The following KLF5 variants were observed in gnomAD, a reference collection of about 807,000 sequenced individuals.
KLF5 encodes the protein Krueppel-like factor 5.
Under a neutral mutation model 36.9 loss-of-function variants are expected in KLF5, and 9 were observed. That is an observed-to-expected ratio of 0.24 (90% CI 0.15 to 0.43). KLF5 has a LOEUF of 0.43. Among genes scored for constraint, KLF5 ranks in the 20% least tolerant of loss-of-function variants. The probability of loss-of-function intolerance (pLI) is 1.00; values close to 1 mark genes in which losing one functional copy is unlikely to be tolerated. For synonymous variants in KLF5, 246 were observed against 241.7 expected (o/e 1.02, Z -0.17); for missense variants, 524 against 599.5 (o/e 0.87, Z 1.31).
chr13:73,064,004 T>C (rs963747664), intron 3 of KLF5, 121 bp downstream of exon 3: 1 of 589,262 alleles, frequency 1.7e-6, no homozygotes, highest in South Asian at 2.4e-5. Flanking sequence ...TTTTTTTTTT[T>C]AAATAGCCTA....
chr13:73,073,309 CT>C (rs1461980882), intron 3 of KLF5, among the ~76,000 whole-genome samples: 2 of 152,166 alleles, frequency 1.3e-5, no homozygotes, highest in Admixed American at 6.5e-5. Context: ...GTTGTCCTTA[CT>C]TTTATGGTAA....
chr13:73,061,815 A>T, intron 1 of KLF5, 46 bp from the exon 2 acceptor site: 1 of 1,567,808 alleles, frequency 6.4e-7, no homozygotes, highest in Non-Finnish European at 8.7e-7. Flanking sequence ...TCTTCCCGAG[A>T]TGGTGAATCA....
At position 73,059,465 on chromosome 13, in the gene KLF5, C is replaced by T; in HGVS notation, c.138C>T (p.Phe46=). 12 of 1,275,754 alleles carry T rather than the reference C, an allele frequency of 9.4e-6. No individual in the cohort carries two copies. The highest frequency in any genetic ancestry group is 1.2e-5 in the Non-Finnish European group (12 of 1,011,632). 79.0% of individuals were successfully genotyped at this position (1,275,754 alleles called of 1,614,324 possible). A position where few individuals can be genotyped will look rare whatever the true frequency, so the allele number is the denominator to read the frequency against. Residue 46 remains phenylalanine (F), a synonymous_variant, in exon 1 of 4, where the codon TTC becomes TTT. Coordinates refer to ENST00000377687, the MANE Select transcript of KLF5 (RefSeq NM_001730.5). Reference sequence around the variant, plus strand: ...ATCCGGCCCGCGACGCGGCGCTCTTCCCCGGCGAGGAGCTGAAGCACGCGC... The same window carrying T: ...ATCCGGCCCGCGACGCGGCGCTCTTTCCCGGCGAGGAGCTGAAGCACGCGC... ...AANPARDAAL[F]PGEELKHAHH...
chr13:73,060,213 A>G (rs2044623984), intron 1 of KLF5, among the ~76,000 whole-genome samples: 2 of 151,754 alleles, frequency 1.3e-5, no homozygotes, highest in South Asian at 2.1e-4. Flanking sequence ...TGTGCACGTA[A>G]ATTTCCTCCC....
intron 1 of KLF5, among the ~76,000 whole-genome samples, chr13:73,061,041 TGATGACTGTGCTAGGGATA>T (rs1369613417): frequency 1.6e-4 from 24 of 152,156 alleles, no homozygotes; most frequent in Admixed American, 1.5e-3. Flanking sequence ...AATGTTTTGC[TGATGACTGTGCTAGGGATA>T]CAGCAGCCTC....
chr13:73,071,222 G>C (rs1383306087), intron 3 of KLF5, among the ~76,000 whole-genome samples: 3 of 146,452 alleles, frequency 2.0e-5, no homozygotes, highest in African/African-American at 7.3e-5. Flanking sequence ...GGTCTGTTCA[G>C]AGGCTTTCTA....
At chr13:73,073,389 A>C (rs1461005199) in intron 3 of KLF5, among the ~76,000 whole-genome samples, 1 of 152,248 alleles carries the variant, frequency 6.6e-6, no homozygotes, top group Non-Finnish European at 1.5e-5. Flanking sequence ...ATAGATGTGC[A>C]TAAATTGAGA....
intron 3 of KLF5, among the ~76,000 whole-genome samples, chr13:73,064,738 T>G (rs1204778334): frequency 6.6e-6 from 1 of 152,110 alleles, no homozygotes; most frequent in Non-Finnish European, 1.5e-5. Flanking sequence ...GAGATGGGGT[T>G]TCACCATGTT....
At chr13:73,060,022 A>T (rs2044621404) in intron 1 of KLF5, among the ~76,000 whole-genome samples, 1 of 151,608 alleles carries the variant, frequency 6.6e-6, no homozygotes, top group South Asian at 2.1e-4. Flanking sequence ...GTAGAAACGC[A>T]AATTGGGGTG....
intron 3 of KLF5, among the ~76,000 whole-genome samples, chr13:73,064,842 A>G (rs1460247789): frequency 1.3e-5 from 2 of 152,198 alleles, no homozygotes; most frequent in Non-Finnish European, 2.9e-5. Flanking sequence ...GCGCCCGACC[A>G]GCACTTTTAA....
upstream of KLF5, among the ~76,000 whole-genome samples, chr13:73,056,571 A>C (rs1594390123): frequency 6.6e-6 from 1 of 152,236 alleles, no homozygotes; most frequent in East Asian, 1.9e-4. Flanking sequence ...TGTAGCATTT[A>C]TGTTAAAAGC....
Position 73,062,339 on chromosome 13 carries a change from C to G in KLF5, c.740C>G (p.Ala247Gly). The change falls in exon 2 of 4, where the codon GCA (alanine) becomes GGA (glycine). Residue 247 changes from alanine (A) to glycine (G), a missense_variant. This residue lies in a region of KLF5 where 454 missense variants were observed against 458.1 expected (regional missense o/e 0.99). Transcript: ENST00000377687. ...LDMPSSTNQT[A>G]AMDTLNVSMS... is the part of the protein sequence containing the mutation. Reference sequence around the variant, plus strand: ...ATGCCCAGTTCTACAAATCAGACAGCAGCAATGGACACTCTTAATGTTTCT... The same window carrying G: ...ATGCCCAGTTCTACAAATCAGACAGGAGCAATGGACACTCTTAATGTTTCT... 1 of 1,614,228 alleles carries G rather than the reference C, an allele frequency of 6.2e-7. No homozygotes were observed. The highest frequency in any genetic ancestry group is 8.5e-7 in the Non-Finnish European group (1 of 1,180,038).
intron 2 of KLF5, 60 bp from the exon 3 acceptor site, chr13:73,063,764 A>T: frequency 8.6e-7 from 1 of 1,162,704 alleles, no homozygotes; most frequent in Non-Finnish European, 1.3e-6. Flanking sequence ...ACACTGAATC[A>T]TCAAATGTAA....
intron 3 of KLF5, among the ~76,000 whole-genome samples, chr13:73,073,427 T>G (rs1020540760): frequency 6.6e-6 from 1 of 152,348 alleles, no homozygotes; most frequent in Middle Eastern, 3.4e-3. Flanking sequence ...TTAGAAACTT[T>G]AATGGCTACC....
chr13:73,060,865 T>C (rs2044629750), intron 1 of KLF5, among the ~76,000 whole-genome samples: 1 of 152,208 alleles, frequency 6.6e-6, no homozygotes, highest in South Asian at 2.1e-4. Context: ...AGGCGACTTG[T>C]TACAAGCTGG....
intron 2 of KLF5, among the ~76,000 whole-genome samples, chr13:73,063,039 CAG>C (rs572473208): frequency 3.4e-4 from 52 of 151,748 alleles, no homozygotes; most frequent in African/African-American, 1.0e-3. Flanking sequence ...AATATTAAAA[CAG>C]ATTTGAATTT....
chr13:73,063,139 CAGAA>C (rs2044652181), intron 2 of KLF5, among the ~76,000 whole-genome samples: 1 of 151,886 alleles, frequency 6.6e-6, no homozygotes, highest in Admixed American at 6.6e-5. Context: ...TTAAGTGCCC[CAGAA>C]AGAGATTAAA....
intron 3 of KLF5, among the ~76,000 whole-genome samples, chr13:73,069,133 A>G (rs1322894834): frequency 6.6e-6 from 1 of 152,154 alleles, no homozygotes; most frequent in Non-Finnish European, 1.5e-5. Flanking sequence ...AATCGATAAT[A>G]TTGACAATAA....
Position 73,061,942 on chromosome 13 carries a change from G to C in KLF5, c.343G>C (p.Asp115His). The change falls in exon 2 of 4, where the codon GAC (aspartate) becomes CAC (histidine). Residue 115 changes from aspartate to histidine, a missense_variant. Asp to His is a moderately conservative substitution (Grantham distance 81). This residue lies in a region of KLF5 where 454 missense variants were observed against 458.1 expected (regional missense o/e 0.99). Transcript: ENST00000377687. ...IIPEHKKYRR[D>H]SASVVDQFFT... ...TCCAGAGCATAAAAAGTATAGACGA[G>C]ACAGTGCCTCAGTCGTAGACCAGTT... The C allele has an allele frequency of 6.2e-7, 1 of 1,614,092 alleles. No individual in the cohort carries two copies. The highest frequency in any genetic ancestry group is 8.5e-7 in the Non-Finnish European group (1 of 1,179,976).
Sources: gnomAD v4.1 joint callset for allele counts (sites outside exome capture counted in the v4.1 genomes callset) on GRCh38, gnomAD v4.1.1 for gene constraint, gnomAD v4.1.1 regional missense constraint, MANE v1.5 for transcripts, NCBI Gene and HGNC (gene_info 2026-07-23, HGNC 2026-07-21) for gene names.